Variants in TOP2B observed in about 807,000 individuals in gnomAD.
The protein encoded by TOP2B is DNA topoisomerase II beta.
Under a neutral mutation model 193.5 loss-of-function variants are expected in TOP2B, and 51 were observed. The ratio of observed to expected loss-of-function variants is 0.26; its 90% CI spans 0.21 to 0.33. The LOEUF (loss-of-function observed/expected upper bound fraction) is 0.33. TOP2B is among the 10% of genes least tolerant of loss of function. The pLI, the probability that TOP2B is intolerant of heterozygous loss-of-function variation, is 1.00. For synonymous variants in TOP2B, 634 were observed against 635.7 expected (o/e 1.00, Z 0.04); for missense variants, 1,378 against 1,909.3 (o/e 0.72, Z 5.19).
chr3:25,606,039 A>T lies in TOP2B; in HGVS notation c.4378+4T>A. ...TAACCAATGAAAAGACTAAATGAAC[A>T]TACCATCTTCTGACTTCTGAGAATA... On this transcript the variant is annotated splice_donor_region_variant and intron_variant, in intron 32 of 35. Coordinates refer to ENST00000264331, the MANE Select transcript of TOP2B (RefSeq NM_001330700.2). 1 of 1,460,882 alleles carries T rather than the reference A, an allele frequency of 6.8e-7. No individual in the cohort carries two copies. The highest frequency in any genetic ancestry group is 9.2e-7 in the Non-Finnish European group (1 of 1,088,666). The allele number at this position is 1,460,882 out of a possible 1,614,324, so 90.5% of individuals were successfully genotyped here. A position where few individuals can be genotyped will look rare whatever the true frequency, so the allele number is the denominator to read the frequency against.
At chr3:25,650,055 T>G (rs900732718) in intron 1 of TOP2B, among the ~76,000 whole-genome samples, 2 of 152,102 alleles carry the variant, frequency 1.3e-5, no homozygotes, top group African/African-American at 4.8e-5. Context: ...TTTAAAGATT[T>G]AAGATTAGTA....
At chr3:25,601,613 C>G (rs921228713) in intron 33 of TOP2B, among the ~76,000 whole-genome samples, 1 of 146,566 alleles carries the variant, frequency 6.8e-6, no homozygotes, top group African/African-American at 2.5e-5. Context: ...ACTCTATCTT[C>G]AAAAAAAAAA....
intron 15 of TOP2B, among the ~76,000 whole-genome samples, chr3:25,627,905 A>G (rs1702848913): frequency 6.6e-6 from 1 of 151,710 alleles, no homozygotes; most frequent in Admixed American, 6.6e-5. Flanking sequence ...CCCCACCCAT[A>G]CTACAAATAG....
intron 35 of TOP2B, among the ~76,000 whole-genome samples, chr3:25,599,012 G>A (rs973628677): frequency 6.6e-6 from 1 of 151,974 alleles, no homozygotes; most frequent in Non-Finnish European, 1.5e-5. Flanking sequence ...AAAAGAAATA[G>A]TGTACTTCTG....
chr3:25,655,594 C>T (rs1240293849), intron 1 of TOP2B, among the ~76,000 whole-genome samples: 3 of 152,160 alleles, frequency 2.0e-5, no homozygotes, highest in Non-Finnish European at 4.4e-5. Flanking sequence ...ATGTTCATCA[C>T]GGTATTATTC....
chr3:25,638,419 T>G, intron 4 of TOP2B, 109 bp from the exon 5 acceptor site: 16 of 1,263,470 alleles, frequency 1.3e-5, no homozygotes, highest in Non-Finnish European at 1.6e-5. Flanking sequence ...GAATAAACCT[T>G]AATGGTTATA....
intron 31 of TOP2B, 131 bp downstream of exon 31, chr3:25,607,040 A>C (rs1702252420): frequency 7.5e-7 from 1 of 1,327,168 alleles, no homozygotes; most frequent in Non-Finnish European, 1.0e-6. Flanking sequence ...TGCAATATTA[A>C]CAAGATTGAT....
At chr3:25,645,706 C>T (rs1314453518) in intron 1 of TOP2B, among the ~76,000 whole-genome samples, 1 of 152,132 alleles carries the variant, frequency 6.6e-6, no homozygotes, top group African/African-American at 2.4e-5. Flanking sequence ...CTAGAGCAGT[C>T]TCCAGCAATC....
Position 25,645,322 on chromosome 3 carries a change from C to G in TOP2B, c.218G>C (p.Gly73Ala), listed in dbSNP as rs370924487. 1.9e-6 allele frequency: 3 copies of G among 1,601,014 alleles called. No individual in the cohort carries two copies. Among genetic ancestry groups the G allele is most frequent in the Non-Finnish European group, 2.6e-6 (3 of 1,172,724 alleles). The change falls in exon 2 of 36, where the codon GGG (glycine) becomes GCG (alanine). Residue 73 changes from glycine to alanine, a missense_variant. Coordinates refer to ENST00000264331, the MANE Select transcript of TOP2B (RefSeq NM_001330700.2). ...TACCTGCGTCAATGGCTCCACTGAC[C>G]CAATATATGTATCAGGACGAAGAAG... ...HILLRPDTYI[G>A]SVEPLTQFMW...
chr3:25,610,284 T>TA (rs1486645374), intron 28 of TOP2B, among the ~76,000 whole-genome samples: 3 of 150,154 alleles, frequency 2.0e-5, no homozygotes, highest in East Asian at 3.9e-4. Context: ...GACCATGGGG[T>TA]AAAAAAACAA....
At chr3:25,602,416 GAA>G (rs60844877) in intron 33 of TOP2B, among the ~76,000 whole-genome samples, 23 of 111,718 alleles carry the variant, frequency 2.1e-4, no homozygotes, top group Non-Finnish European at 3.5e-4. Flanking sequence ...AAAAGAAAAA[GAA>G]AAAAAAAAAA....
At chr3:25,606,223 G>C (rs1334763325) in intron 31 of TOP2B, 101 bp from the exon 32 acceptor site, 1 of 565,120 alleles carries the variant, frequency 1.8e-6, no homozygotes, top group Non-Finnish European at 2.9e-6. Context: ...TATAATCACA[G>C]AACAAAACTT....
intron 33 of TOP2B, among the ~76,000 whole-genome samples, chr3:25,602,667 A>T (rs1474597381): frequency 1.3e-5 from 2 of 152,092 alleles, no homozygotes; most frequent in Non-Finnish European, 2.9e-5. Context: ...TATCTACCAC[A>T]AGAACCACAG....
chr3:25,610,922 C>T (rs1325773997), intron 28 of TOP2B, among the ~76,000 whole-genome samples: 1 of 152,168 alleles, frequency 6.6e-6, no homozygotes, highest in Non-Finnish European at 1.5e-5. Context: ...ACTTAGTAGG[C>T]AGTCAATAGG....
At chr3:25,626,740 C>G (rs1399704631) in intron 17 of TOP2B, 32 bp downstream of exon 17, 1 of 1,563,958 alleles carries the variant, frequency 6.4e-7, no homozygotes, top group Non-Finnish European at 8.7e-7. Flanking sequence ...CTCTCTCCTT[C>G]TTTCCCCAGG....
chr3:25,643,990 TG>T (rs2125395173), intron 2 of TOP2B, among the ~76,000 whole-genome samples: 1 of 152,336 alleles, frequency 6.6e-6, no homozygotes, highest in East Asian at 1.9e-4. Context: ...GTATCAAGTT[TG>T]TATTATTATA....
chr3:25,604,340 C>T (rs1025918411), intron 33 of TOP2B, among the ~76,000 whole-genome samples: 3 of 152,090 alleles, frequency 2.0e-5, no homozygotes, highest in Admixed American at 2.0e-4. Flanking sequence ...CAATCTAAGG[C>T]TGTGAAAAAG....
chr3:25,648,583 G>A (rs986023891), intron 1 of TOP2B, among the ~76,000 whole-genome samples: 2 of 152,194 alleles, frequency 1.3e-5, no homozygotes, highest in African/African-American at 4.8e-5. Flanking sequence ...GCAGCCAGGC[G>A]CAGTGGCTCA....
chr3:25,649,222 A>T (rs1167695250), intron 1 of TOP2B, among the ~76,000 whole-genome samples: 2 of 152,172 alleles, frequency 1.3e-5, no homozygotes, highest in East Asian at 3.8e-4. Context: ...GAATGAATAA[A>T]CATAAAAAGA....
Sources: allele counts gnomAD v4.1 joint callset (sites outside exome capture counted in the v4.1 genomes callset), GRCh38; gene constraint gnomAD v4.1.1; transcripts MANE v1.5; gene names NCBI Gene and HGNC (gene_info 2026-07-23, HGNC 2026-07-21).